Variants in ROBO1 observed in about 807,000 individuals in gnomAD.
ROBO1 encodes roundabout guidance receptor 1, also known as roundabout homolog 1.
A neutral mutation model predicts 195.9 loss-of-function variants in ROBO1; 149 were observed. The ratio of observed to expected loss-of-function variants is 0.76; its 90% confidence interval spans 0.67 to 0.87. The LOEUF (loss-of-function observed/expected upper bound fraction) is 0.87. Among genes scored for constraint, ROBO1 ranks in the 40% least tolerant of loss-of-function variants. The pLI, the probability that ROBO1 is intolerant of heterozygous loss-of-function variation, is 0.00. For synonymous variants in ROBO1, 816 were observed against 733.2 expected (o/e 1.11, Z -1.82); for missense variants, 1,933 against 2,068.3 (o/e 0.93, Z 1.27).
intron 2 of ROBO1, among the ~76,000 whole-genome samples, chr3:79,481,185 A>G (rs1474151862): frequency 6.6e-6 from 1 of 152,174 alleles, no homozygotes; most frequent in Non-Finnish European, 1.5e-5. Context: ...TGCCAAGGAG[A>G]GTATGAACAG....
intron 2 of ROBO1, among the ~76,000 whole-genome samples, chr3:79,182,178 C>A (rs1361310146): frequency 6.6e-6 from 1 of 152,002 alleles, no homozygotes; most frequent in African/African-American, 2.4e-5. Flanking sequence ...AATAAATTTG[C>A]GAACCTAGAA....
At chr3:79,078,723 C>T (rs2079218603) in intron 3 of ROBO1, among the ~76,000 whole-genome samples, 1 of 151,744 alleles carries the variant, frequency 6.6e-6, no homozygotes, top group South Asian at 2.1e-4. Flanking sequence ...GTTTATAAAG[C>T]ACTTTCCATA....
intron 3 of ROBO1, among the ~76,000 whole-genome samples, chr3:78,999,623 T>A (rs2108120112): frequency 6.6e-6 from 1 of 152,214 alleles, no homozygotes; most frequent in East Asian, 1.9e-4. Flanking sequence ...ACTAGATCAT[T>A]CTTACTCCAA....
intron 4 of ROBO1, among the ~76,000 whole-genome samples, chr3:78,793,806 A>G (rs2084101385): frequency 6.6e-6 from 1 of 152,074 alleles, no homozygotes; most frequent in Non-Finnish European, 1.5e-5. Flanking sequence ...GTGTCAACTG[A>G]TATTCAGATA....
intron 1 of ROBO1, among the ~76,000 whole-genome samples, chr3:79,625,945 A>T (rs1945165013): frequency 6.6e-6 from 1 of 152,178 alleles, no homozygotes; most frequent in Non-Finnish European, 1.5e-5. Flanking sequence ...AAACATCTAT[A>T]CAAAGATCCT....
chr3:79,257,466 A>T (rs1313511242), intron 2 of ROBO1, among the ~76,000 whole-genome samples: 1 of 152,088 alleles, frequency 6.6e-6, no homozygotes, highest in East Asian at 1.9e-4. Flanking sequence ...CCAGGCCATT[A>T]ATTAGTCCAC....
chr3:79,678,579 A>C (rs1369607440), intron 1 of ROBO1, among the ~76,000 whole-genome samples: 1 of 152,106 alleles, frequency 6.6e-6, no homozygotes, highest in Non-Finnish European at 1.5e-5. Context: ...TTCCTCTTTT[A>C]GATAGAAATT....
intron 3 of ROBO1, among the ~76,000 whole-genome samples, chr3:79,026,042 G>A (rs1282597104): frequency 6.6e-6 from 1 of 151,918 alleles, no homozygotes; most frequent in Non-Finnish European, 1.5e-5. Flanking sequence ...TGTCATTATT[G>A]TATTACATGT....
chr3:79,205,815 A>G (rs892702512), intron 2 of ROBO1, among the ~76,000 whole-genome samples: 1 of 152,196 alleles, frequency 6.6e-6, no homozygotes, highest in East Asian at 1.9e-4. Flanking sequence ...TATAGCTCCT[A>G]TCTTCCAACA....
intron 2 of ROBO1, among the ~76,000 whole-genome samples, chr3:79,156,972 T>C (rs902126287): frequency 2.6e-4 from 40 of 152,000 alleles, no homozygotes; most frequent in Admixed American, 2.4e-3. Flanking sequence ...CTTCAGACTT[T>C]GGTTTGTTCT....
chr3:78,775,720 C>G (rs1424351757), intron 4 of ROBO1, among the ~76,000 whole-genome samples: 1 of 152,232 alleles, frequency 6.6e-6, no homozygotes, highest in Non-Finnish European at 1.5e-5. Context: ...GGATACTTCA[C>G]TAAACATTAG....
At chr3:79,721,756 G>A (rs1178548042) in intron 1 of ROBO1, among the ~76,000 whole-genome samples, 2 of 152,172 alleles carry the variant, frequency 1.3e-5, no homozygotes, top group South Asian at 4.1e-4. Context: ...AAGATTTGAA[G>A]ACTAGATCAG....
At chr3:78,888,538 T>C (rs1280505398) in intron 4 of ROBO1, among the ~76,000 whole-genome samples, 1 of 152,212 alleles carries the variant, frequency 6.6e-6, no homozygotes, top group African/African-American at 2.4e-5. Flanking sequence ...ATACACACTA[T>C]TTTTAGAAAC....
At chr3:78,823,435 G>A (rs2031234893) in intron 4 of ROBO1, among the ~76,000 whole-genome samples, 1 of 152,166 alleles carries the variant, frequency 6.6e-6, no homozygotes, top group Admixed American at 6.5e-5. Flanking sequence ...AGGGAAATAA[G>A]GAAGACAGGG....
At chr3:78,650,267 C>A (rs1230038778) in intron 19 of ROBO1, among the ~76,000 whole-genome samples, 1 of 152,034 alleles carries the variant, frequency 6.6e-6, no homozygotes, top group African/African-American at 2.4e-5. Flanking sequence ...TTTCAGTAAC[C>A]TCCAAGCCCT....
At chr3:78,670,770 A>G (rs1708022280) in intron 10 of ROBO1, among the ~76,000 whole-genome samples, 1 of 152,232 alleles carries the variant, frequency 6.6e-6, no homozygotes, top group Non-Finnish European at 1.5e-5. Flanking sequence ...AAGGTACCAT[A>G]CCAGCATGTT....
At chr3:79,518,605 CAG>C (rs1403217291) in intron 2 of ROBO1, among the ~76,000 whole-genome samples, 2 of 152,048 alleles carry the variant, frequency 1.3e-5, no homozygotes, top group African/African-American at 4.8e-5. Flanking sequence ...GGAGTGATAA[CAG>C]AACATAAACG....
intron 2 of ROBO1, among the ~76,000 whole-genome samples, chr3:79,504,754 C>T (rs936386348): frequency 1.3e-5 from 2 of 151,900 alleles, no homozygotes; most frequent in African/African-American, 2.4e-5. Context: ...TTCTTACTGC[C>T]TAGTTAACAG....
At chr3:79,303,159 G>GTTTTTTTTTTTTTTTTTT (rs368110549) in intron 2 of ROBO1, among the ~76,000 whole-genome samples, 1 of 72,090 alleles carries the variant, frequency 1.4e-5, no homozygotes, top group Non-Finnish European at 2.4e-5. Context: ...ATCTCACATA[G>GTTTTTTTTTTTTTTTTTT]GTTTTTTTTT....
Sources: allele counts gnomAD v4.1 joint callset (sites outside exome capture counted in the v4.1 genomes callset), GRCh38; gene constraint gnomAD v4.1.1; transcripts MANE v1.5; gene names NCBI Gene and HGNC (gene_info 2026-07-23, HGNC 2026-07-21).